The following UNC13C variants were observed in gnomAD, a reference collection of about 807,000 sequenced individuals.
The protein encoded by UNC13C is protein unc-13 homolog C.
In UNC13C, 174 loss-of-function variants were observed where a neutral mutation model predicts 245.4. The ratio of observed to expected loss-of-function variants is 0.71; its 90% confidence interval spans 0.63 to 0.80. The LOEUF is 0.80. UNC13C is among the 30% of genes least tolerant of loss of function. The pLI is 0.00. For synonymous variants in UNC13C, 992 were observed against 895.1 expected (o/e 1.11, Z -1.93); for missense variants, 2,829 against 2,602.9 (o/e 1.09, Z -1.89).
chr15:54,373,159 A>G (rs1425487665), intron 17 of UNC13C, among the ~76,000 whole-genome samples: 1 of 152,188 alleles, frequency 6.6e-6, no homozygotes, highest in Non-Finnish European at 1.5e-5. Context: ...ACCTTGGGTG[A>G]GTCAGCTCTT....
chr15:54,353,766 A>G (rs1234252493), intron 17 of UNC13C, among the ~76,000 whole-genome samples: 1 of 152,144 alleles, frequency 6.6e-6, no homozygotes, highest in Non-Finnish European at 1.5e-5. Context: ...CTTTTGAATT[A>G]TTTGCCAAAT....
At chr15:54,251,114 G>A (rs1338601172) in intron 8 of UNC13C, among the ~76,000 whole-genome samples, 2 of 152,100 alleles carry the variant, frequency 1.3e-5, no homozygotes, top group Non-Finnish European at 2.9e-5. Context: ...GTGGGAATAT[G>A]TAAAATCAGG....
chr15:54,524,547 T>C (rs900074298), intron 24 of UNC13C, among the ~76,000 whole-genome samples: 3 of 152,192 alleles, frequency 2.0e-5, no homozygotes, highest in African/African-American at 4.8e-5. Context: ...GCTGCAGAGA[T>C]ATGTAAATAA....
the UNC13C span, among the ~76,000 whole-genome samples, chr15:53,866,576 A>T: frequency 6.6e-6 from 1 of 152,344 alleles, no homozygotes; most frequent in Admixed American, 6.5e-5. Context: ...AGAAACAATA[A>T]GGAAAGACAG....
At chr15:54,353,036 C>T (rs928523349) in intron 17 of UNC13C, among the ~76,000 whole-genome samples, 1 of 152,120 alleles carries the variant, frequency 6.6e-6, no homozygotes, top group South Asian at 2.1e-4. Flanking sequence ...TTTGAGCTTT[C>T]TGTCTCATAC....
intron 24 of UNC13C, among the ~76,000 whole-genome samples, chr15:54,520,132 G>C (rs1402508136): frequency 6.6e-6 from 1 of 152,006 alleles, no homozygotes; most frequent in African/African-American, 2.4e-5. Flanking sequence ...ACAGGAAATA[G>C]GAACACAATG....
intron 4 of UNC13C, among the ~76,000 whole-genome samples, chr15:54,162,009 G>C (rs1183713852): frequency 6.6e-6 from 1 of 152,132 alleles, no homozygotes; most frequent in Non-Finnish European, 1.5e-5. Context: ...TTGTGATTTT[G>C]CTGAAGCACA....
chr15:54,312,416 C>T (rs949728343), intron 13 of UNC13C, among the ~76,000 whole-genome samples: 3 of 151,662 alleles, frequency 2.0e-5, no homozygotes, highest in Non-Finnish European at 4.4e-5. Context: ...CTCTTTTAGA[C>T]TGGGGGAAAA....
At chr15:54,403,379 C>T (rs1284421925) in intron 18 of UNC13C, among the ~76,000 whole-genome samples, 3 of 151,850 alleles carry the variant, frequency 2.0e-5, no homozygotes, top group Non-Finnish European at 4.4e-5. Flanking sequence ...GCACTTCAGC[C>T]TGGGTGACAG....
chr15:54,119,880 A>T (rs1181782683), intron 2 of UNC13C, among the ~76,000 whole-genome samples: 1 of 152,198 alleles, frequency 6.6e-6, no homozygotes, highest in African/African-American at 2.4e-5. Flanking sequence ...CCTAATTCAC[A>T]ACAAGGCCCT....
intron 24 of UNC13C, among the ~76,000 whole-genome samples, chr15:54,519,147 C>CT (rs202033628): frequency 0.011 from 1,630 of 151,160 alleles, 37 homozygotes; most frequent in South Asian, 0.041. Context: ...TTCAGAAATT[C>CT]TTTTTTTTTC....
chr15:54,028,454 A>G (rs1896211567), intron 2 of UNC13C, among the ~76,000 whole-genome samples: 2 of 152,124 alleles, frequency 1.3e-5, no homozygotes, highest in South Asian at 4.1e-4. Context: ...AGCGATACAT[A>G]TAAATTGGCA....
At chr15:54,397,853 G>A (rs2040103377) in intron 18 of UNC13C, among the ~76,000 whole-genome samples, 2 of 150,944 alleles carry the variant, frequency 1.3e-5, no homozygotes, top group South Asian at 4.2e-4. Flanking sequence ...TTACTTTTTT[G>A]TAGGTTCCTC....
chr15:54,380,382 A>G (rs2039698124), intron 17 of UNC13C, among the ~76,000 whole-genome samples: 1 of 152,164 alleles, frequency 6.6e-6, no homozygotes, highest in Non-Finnish European at 1.5e-5. Flanking sequence ...ATTGATAGCT[A>G]CTTAAGTTGA....
At chr15:54,195,334 A>T (rs1000293290) in intron 4 of UNC13C, among the ~76,000 whole-genome samples, 2 of 152,186 alleles carry the variant, frequency 1.3e-5, no homozygotes, top group Admixed American at 6.6e-5. Flanking sequence ...TAATTTAACA[A>T]TTCAAACACT....
At chr15:54,108,834 C>G (rs1900598855) in intron 2 of UNC13C, among the ~76,000 whole-genome samples, 1 of 152,138 alleles carries the variant, frequency 6.6e-6, no homozygotes, top group Non-Finnish European at 1.5e-5. Context: ...AAAAAGGAAC[C>G]TGCTATGGGA....
intron 4 of UNC13C, among the ~76,000 whole-genome samples, chr15:54,224,512 A>G (rs1481405149): frequency 6.6e-6 from 1 of 152,074 alleles, no homozygotes; most frequent in African/African-American, 2.4e-5. Context: ...TCTTTTCAAT[A>G]TGTTGTTGAA....
At chr15:54,490,293 C>T (rs748838842) in intron 19 of UNC13C, among the ~76,000 whole-genome samples, 4 of 152,132 alleles carry the variant, frequency 2.6e-5, no homozygotes, top group Non-Finnish European at 5.9e-5. Flanking sequence ...AGGTATCTTT[C>T]CTATCTCCTT....
chr15:53,999,590 T>C (rs1046744000), intron 1 of UNC13C, among the ~76,000 whole-genome samples: 1 of 151,986 alleles, frequency 6.6e-6, no homozygotes, highest in Non-Finnish European at 1.5e-5. Flanking sequence ...TGTTATTTTC[T>C]TCATTCCACT....
Sources: allele counts gnomAD v4.1 joint callset (sites outside exome capture counted in the v4.1 genomes callset), GRCh38; gene constraint gnomAD v4.1.1; transcripts MANE v1.5; gene names NCBI Gene and HGNC (gene_info 2026-07-23, HGNC 2026-07-21).